Variants in GABRG3 observed in about 807,000 individuals in gnomAD.
GABRG3 encodes the protein gamma-aminobutyric acid type A receptor subunit gamma3.
GABRG3 carries 25 observed loss-of-function variants against 48.8 expected under a neutral mutation model. The ratio of observed to expected loss-of-function variants is 0.51; its 90% CI spans 0.37 to 0.72. GABRG3 has a LOEUF of 0.72. Ranked by LOEUF, GABRG3 falls within the 30% of genes least tolerant of loss-of-function variation. The pLI is 0.00. For missense variants in GABRG3, 394 were observed against 577.9 expected (o/e 0.68, Z 3.26); for synonymous variants, 227 against 217.6 (o/e 1.04, Z -0.38).
rs1891554237 is a variant in GABRG3 at position 27,536,719 on chromosome 15, C to T, written c.*3838C>T. ...ACCAAATCATTTTACCTGGTGATAGCTTGCTGCAGTAAGTTTGCAGGCATG... is the reference window on the plus strand; with the variant it reads ...ACCAAATCATTTTACCTGGTGATAGTTTGCTGCAGTAAGTTTGCAGGCATG... On this transcript the variant is annotated 3_prime_UTR_variant, in exon 10 of 10. Transcript: ENST00000615808. 1 of 152,190 alleles carries T rather than the reference C, an allele frequency of 6.6e-6. No individual in the cohort carries two copies. The highest frequency in any genetic ancestry group is 6.5e-5 in the Admixed American group (1 of 15,286). 9.4% of individuals were successfully genotyped at this position (152,190 alleles called of 1,614,324 possible). A position where few individuals can be genotyped will look rare whatever the true frequency, so the allele number is the denominator to read the frequency against.
intron 3 of GABRG3, chr15:27,208,000 T>C (rs1024255611): frequency 1.3e-5 from 2 of 152,374 alleles, no homozygotes; most frequent in African/African-American, 4.8e-5. Flanking sequence ...TGGCTCGTGA[T>C]GCTGGGATCA....
intron 3 of GABRG3, among the ~76,000 whole-genome samples, chr15:27,309,042 ATGT>A (rs1485182898): frequency 5.1e-5 from 7 of 137,190 alleles, no homozygotes; most frequent in African/African-American, 1.4e-4. Context: ...ATGTAAACAT[ATGT>A]TTATATAGAA....
chr15:27,421,553 C>T (rs530778090), intron 5 of GABRG3, among the ~76,000 whole-genome samples: 27 of 147,698 alleles, frequency 1.8e-4, no homozygotes, highest in African/African-American at 6.8e-4. Context: ...GCTGCGTATC[C>T]ATCAATACTG....
chr15:27,277,485 A>G (rs1443429638), intron 3 of GABRG3, among the ~76,000 whole-genome samples: 1 of 152,244 alleles, frequency 6.6e-6, no homozygotes, highest in Non-Finnish European at 1.5e-5. Context: ...ATGACTTCTG[A>G]GAATCAATGA....
chr15:27,378,032 A>G (rs1056699339), intron 5 of GABRG3, among the ~76,000 whole-genome samples: 3 of 152,166 alleles, frequency 2.0e-5, no homozygotes, highest in Admixed American at 2.0e-4. Flanking sequence ...TGAACTTTAC[A>G]GAGGATTAAC....
At chr15:27,480,582 TATA>T in intron 5 of GABRG3, 65 bp from the exon 6 acceptor site, 1 of 1,382,162 alleles carries the variant, frequency 7.2e-7, no homozygotes, top group Non-Finnish European at 9.9e-7. Context: ...TGATCAGAAT[TATA>T]ATTTTCACTT....
In GABRG3 at chr15:27,179,569, A is replaced by C. The variant is rs1887858572; in HGVS notation, c.271-147240A>C. ...GAAAACTTTAAGCAAGAACTACCCA[A>C]GTGAGCAGTTTCCAGTTTCAAATTG... On this transcript the variant is annotated intron_variant, in intron 3 of 9. Transcript: ENST00000615808. The surrounding 1 kb of genome is among the most constrained non-coding windows in gnomAD (Gnocchi z 4.0). Among the ~76,000 whole-genome samples, 2 of 152,190 alleles carry C rather than the reference A, an allele frequency of 1.3e-5. No individual in the cohort carries two copies. Among genetic ancestry groups the C allele is most frequent in the South Asian group, 4.1e-4 (2 of 4,836 alleles).
intron 6 of GABRG3, among the ~76,000 whole-genome samples, chr15:27,506,105 G>A (rs190668319): frequency 3.3e-5 from 5 of 152,154 alleles, no homozygotes; most frequent in African/African-American, 1.2e-4. Flanking sequence ...TCCTGATATT[G>A]GTAATTTGTG....
intron 3 of GABRG3, among the ~76,000 whole-genome samples, chr15:27,062,453 A>AAAAAAAAAAAAAAAAAAAAAAAAAAC (rs1896665468): frequency 7.1e-6 from 1 of 141,292 alleles, no homozygotes; most frequent in Non-Finnish European, 1.6e-5. Flanking sequence ...AAAAAAAAAA[A>AAAAAAAAAAAAAAAAAAAAAAAAAAC]AAAAATTAGC....
intron 6 of GABRG3, among the ~76,000 whole-genome samples, chr15:27,483,785 G>C (rs1206088293): frequency 1.3e-5 from 2 of 152,154 alleles, no homozygotes; most frequent in Non-Finnish European, 2.9e-5. Context: ...CTTCTGACTG[G>C]CACAGCAGTG....
At position 27,537,855 on chromosome 15, in the gene GABRG3, T is replaced by C. The variant is rs1891584727; in HGVS notation, c.*4974T>C. 6.6e-6 allele frequency: 1 copy of C among 150,566 alleles called. No homozygotes were observed. Among genetic ancestry groups the C allele is most frequent in the Non-Finnish European group, 1.5e-5 (1 of 67,696 alleles). 9.3% of individuals were successfully genotyped at this position (150,566 alleles called of 1,614,324 possible). On this transcript the variant is annotated 3_prime_UTR_variant, in exon 10 of 10. Coordinates refer to ENST00000615808, the MANE Select transcript of GABRG3 (RefSeq NM_033223.5). The stretch of plus-strand genomic sequence containing the variant: ...TTATTTATTTATTTATTTATTTATT[T>C]TGAGATGAAGTTTTACTCTTGTTGC...
Position 27,497,957 on chromosome 15 carries a change from A to C in GABRG3, c.712+17170A>C, listed in dbSNP as rs180828365. Among the ~76,000 whole-genome samples, 165 of 152,306 alleles carry C rather than the reference A, an allele frequency of 1.1e-3. 2 individuals carry two copies. The highest frequency in any genetic ancestry group is 4.1e-4 in the South Asian group (2 of 4,826). On this transcript the variant is annotated intron_variant, in intron 6 of 9. Coordinates refer to ENST00000615808, the MANE Select transcript of GABRG3 (RefSeq NM_033223.5). ...TTTTTGATTCCAAGTTTGTTTACTTAGGTCTGCAATCAGCATATCCTGTTT... is the reference window on the plus strand; with the variant it reads ...TTTTTGATTCCAAGTTTGTTTACTTCGGTCTGCAATCAGCATATCCTGTTT...
chr15:27,349,083 A>G (rs1027184096), intron 5 of GABRG3, among the ~76,000 whole-genome samples: 1 of 152,188 alleles, frequency 6.6e-6, no homozygotes, highest in Non-Finnish European at 1.5e-5. Flanking sequence ...ATTGTGAGCC[A>G]CAGAATAGGA....
chr15:27,441,009 T>C (rs988492990), intron 5 of GABRG3, among the ~76,000 whole-genome samples: 13 of 152,296 alleles, frequency 8.5e-5, no homozygotes, highest in African/African-American at 3.1e-4. Flanking sequence ...CCACAGTCTG[T>C]TTCAGTTCAA....
In GABRG3 at chr15:27,527,364, T is replaced by C. The variant is rs1183546100; in HGVS notation, c.866-69T>C. 4 of 1,456,614 alleles carry C rather than the reference T, an allele frequency of 2.7e-6. No individual in the cohort carries two copies. In the African/African-American group the frequency reaches 5.6e-5, roughly 20 times the overall value. The allele number at this position is 1,456,614 out of a possible 1,614,324, so 90.2% of individuals were successfully genotyped here. ...GCAGCCGTGCTGGGGTGGAGGGATG[T>C]GGGTGACCGTCTGGGATTCCTGTTG... On this transcript the variant is annotated intron_variant, in intron 7 of 9. Transcript: ENST00000615808.
intron 5 of GABRG3, among the ~76,000 whole-genome samples, chr15:27,361,271 A>C (rs1211243130): frequency 6.6e-6 from 1 of 152,138 alleles, no homozygotes; most frequent in African/African-American, 2.4e-5. Flanking sequence ...CACTGGAGCA[A>C]ACCTTCTCAA....
intron 5 of GABRG3, among the ~76,000 whole-genome samples, chr15:27,428,536 C>T (rs1326878444): frequency 1.3e-5 from 2 of 152,210 alleles, no homozygotes; most frequent in Non-Finnish European, 2.9e-5. Context: ...CAATTTTCTG[C>T]CAATTTATTG....
chr15:27,321,703 C>G (rs977912778), intron 3 of GABRG3, among the ~76,000 whole-genome samples: 10 of 152,286 alleles, frequency 6.6e-5, no homozygotes, highest in Admixed American at 1.3e-4. Context: ...TGTCCCCCAG[C>G]AAGTGTCTCC....
rs71397221 is a variant in GABRG3 at position 27,388,181 on chromosome 15, A to T, written c.574+59293A>T. 5.7e-3 allele frequency among the ~76,000 whole-genome samples: 376 copies of T among 65,516 alleles called. 11 individuals are homozygous for T. Among genetic ancestry groups the T allele is most frequent in the East Asian group, 0.024 (7 of 288 alleles). The allele number at this position is 65,516 out of a possible 152,430, so 43.0% of individuals were successfully genotyped here. ...AAGAAAGGAAGGAAGGAAGGAAAGG[A>T]GGGAGGGAGGGTAAGGAAGGAAGGA... On this transcript the variant is annotated intron_variant, in intron 5 of 9. Coordinates refer to ENST00000615808, the MANE Select transcript of GABRG3 (RefSeq NM_033223.5).
Sources: allele counts gnomAD v4.1 joint callset (sites outside exome capture counted in the v4.1 genomes callset), GRCh38; gene constraint gnomAD v4.1.1; non-coding constraint Gnocchi (gnomAD v3.1); transcripts MANE v1.5; gene names NCBI Gene and HGNC (gene_info 2026-07-23, HGNC 2026-07-21).